The following PCNX4 variants were observed in gnomAD, a reference collection of about 807,000 sequenced individuals.
PCNX4 encodes the protein pecanex 4.
Under a neutral mutation model 107.2 loss-of-function variants are expected in PCNX4, and 103 were observed. That is an observed-to-expected ratio of 0.96 (90% CI 0.82 to 1.13). PCNX4 has a LOEUF of 1.13. Ranked by LOEUF, PCNX4 falls within the 50% of genes most tolerant of loss-of-function variation. PCNX4 has a pLI of 0.00. For missense variants in PCNX4, 1,528 were observed against 1,379.4 expected, an observed-to-expected ratio of 1.11 and a Z score of -1.71; for synonymous variants, 541 against 481.7, an observed-to-expected ratio of 1.12 and a Z score of -1.61.
chr14:60,115,881 A>G (rs1895838465), intron 5 of PCNX4, 60 bp from the exon 6 acceptor site: 2 of 1,588,756 alleles, frequency 1.3e-6, no homozygotes, highest in African/African-American at 1.3e-5. Context: ...AATTTTGTTT[A>G]ATAGTTTGCT....
intron 10 of PCNX4, among the ~76,000 whole-genome samples, chr14:60,133,266 A>G (rs1429297403): frequency 2.0e-5 from 3 of 152,228 alleles, no homozygotes; most frequent in South Asian, 2.1e-4. Context: ...ATAAAAAGGA[A>G]TACGGTACTG....
rs1481040947 is a variant in PCNX4 at position 60,124,573 on chromosome 14, T to G, written c.2402T>G (p.Leu801Trp). ...APLMLPALNT[L>W]PPPKSPEDID... Reference sequence around the variant, plus strand: ...CTAATGTTGCCTGCTTTGAACACTTTGCCACCTCCCAAATCCCCAGAAGAC... The same window carrying G: ...CTAATGTTGCCTGCTTTGAACACTTGGCCACCTCCCAAATCCCCAGAAGAC... The change falls in exon 9 of 11, where the codon TTG becomes TGG. Residue 801 changes from leucine to tryptophan, a missense_variant. Transcript: ENST00000406854. The G allele has an allele frequency of 6.2e-7, 1 of 1,613,724 alleles. No individual in the cohort carries two copies. The highest frequency in any genetic ancestry group is 2.2e-5 in the East Asian group (1 of 44,894).
In PCNX4 at chr14:60,125,711, T is replaced by C; in HGVS notation, c.3155T>C (p.Leu1052Pro). 6.2e-7 allele frequency: 1 copy of C among 1,609,366 alleles called. No individual in the cohort carries two copies. The highest frequency in any genetic ancestry group is 1.1e-5 in the South Asian group (1 of 90,314). ...GACTTTAGAGAACTGATTAAGTACC[T>C]TGAAGAATATGAACGTGACTGGTAC... is the stretch of plus-strand genomic sequence containing the variant. The part of the protein sequence containing the change: ...IEDFRELIKY[L>P]EEYERDWYIG... Residue 1052 changes from leucine (L) to proline (P), a missense_variant, in exon 10 of 11, where the codon CTT (leucine) becomes CCT (proline). Transcript: ENST00000406854.
Position 60,118,457 on chromosome 14 carries a change from C to CTTT in PCNX4, c.1707_1708insTTT (p.Asn569_Ile570insPhe). ...CAACTGCCACTTTATGTATACTCAA[C>CTTT]ATTGTCTTTTCTCCATTCGTGTTGG... is the stretch of plus-strand genomic sequence containing the variant. On this transcript the variant is annotated inframe_insertion, in exon 7 of 11. Transcript: ENST00000406854. 6.2e-7 allele frequency: 1 copy of CTTT among 1,613,746 alleles called. No homozygotes were observed. Among genetic ancestry groups the CTTT allele is most frequent in the Non-Finnish European group, 8.5e-7 (1 of 1,179,804 alleles).
chr14:60,107,832 G>T lies in PCNX4; in HGVS notation c.194G>T (p.Gly65Val). The change falls in exon 2 of 11, where the codon GGC becomes GTC. Residue 65 changes from glycine to valine, a missense_variant. Physicochemically the swap from Gly to Val is moderately radical, Grantham distance 109 (BLOSUM62 -3). Transcript: ENST00000406854. ...GTCGGAACACTTTTATACCAGTTAG[G>T]CATCCTGAAAGACTATTATACAGCA... The part of the protein sequence containing the change: ...GGVGTLLYQL[G>V]ILKDYYTAAL... 1 of 1,612,672 alleles carries T rather than the reference G, an allele frequency of 6.2e-7. No homozygotes were observed. Among genetic ancestry groups the T allele is most frequent in the Non-Finnish European group, 8.5e-7 (1 of 1,179,758 alleles).
intron 1 of PCNX4, among the ~76,000 whole-genome samples, chr14:60,106,002 C>A (rs1434158279): frequency 6.6e-6 from 1 of 152,204 alleles, no homozygotes; most frequent in African/African-American, 2.4e-5. Context: ...CCTTCCTTAC[C>A]CATTGGCTTC....
intron 1 of PCNX4, among the ~76,000 whole-genome samples, chr14:60,105,316 C>T (rs948871796): frequency 2.0e-5 from 3 of 152,134 alleles, no homozygotes; most frequent in Admixed American, 2.0e-4. Context: ...AGGACATCAT[C>T]CTAGGCAAAG....
chr14:60,135,586 T>A lies in PCNX4; in HGVS notation c.*1365T>A, dbSNP rs1896229239. 1.3e-5 allele frequency: 2 copies of A among 152,040 alleles called. 1 individual carries two copies. The highest frequency in any genetic ancestry group is 1.3e-4 in the Admixed American group (2 of 15,260). The allele number at this position is 152,040 out of a possible 1,614,324, so 9.4% of individuals were successfully genotyped here. Reference sequence around the variant, plus strand: ...TTTTTTTTCCGAGATGGAATCTCGCTCTGTCACCCAGGCTGGGGTGCAGTG... The same window carrying A: ...TTTTTTTTCCGAGATGGAATCTCGCACTGTCACCCAGGCTGGGGTGCAGTG... On this transcript the variant is annotated 3_prime_UTR_variant, in exon 11 of 11. Coordinates refer to ENST00000406854, the MANE Select transcript of PCNX4 (RefSeq NM_001330177.2).
In PCNX4 at chr14:60,114,852, G is replaced by T. The variant is rs574897278; in HGVS notation, c.842G>T (p.Gly281Val). 205 of 1,613,052 alleles carry T rather than the reference G, an allele frequency of 1.3e-4. 2 individuals carry two copies. The South Asian group carries it at 2.2e-3, about 17-fold the overall frequency. ...AMEQVLEFGL[G>V]GSSMSTHLRL... ...GAGCAGGTTTTAGAGTTCGGCCTTG[G>T]AGGCTCATCTATGTCAACCCACTTA... Residue 281 changes from glycine to valine, a missense_variant, in exon 3 of 11, where the codon GGA (glycine) becomes GTA (valine). Transcript: ENST00000406854.
In PCNX4 at chr14:60,124,676, A is replaced by G. The variant is rs1178092357; in HGVS notation, c.2505A>G (p.Lys835=). 6.2e-7 allele frequency: 1 copy of G among 1,613,450 alleles called. No individual in the cohort carries two copies. The highest frequency in any genetic ancestry group is 1.3e-5 in the African/African-American group (1 of 75,016). The change falls in exon 9 of 11, where the codon AAA becomes AAG. Residue 835 remains lysine, a synonymous_variant. Transcript: ENST00000406854. ...NIFDDEPTIK[K]VIEEKHQLKD... is the part of the protein sequence containing the mutation. ...TTGATGATGAGCCAACTATCAAAAA[A>G]GTAATAGAAGAAAAACATCAGTTGA... is the stretch of plus-strand genomic sequence containing the variant.
chr14:60,124,243 G>A lies in PCNX4; in HGVS notation c.2072G>A (p.Cys691Tyr), dbSNP rs774377791. The A allele has an allele frequency of 6.9e-6, 11 of 1,595,144 alleles. No homozygotes were observed. The South Asian group carries it at 1.1e-4, about 16-fold the overall frequency. ...IKGLELQETSCHTAEARRVDE... is the reference protein window; with the variant it reads ...IKGLELQETSYHTAEARRVDE... ...GGGTTAGAATTGCAGGAAACATCCT[G>A]TCATACTGCAGAAGCTCGCAGAGTT... The change falls in exon 9 of 11, where the codon TGT (cysteine) becomes TAT (tyrosine). Residue 691 changes from cysteine to tyrosine, a missense_variant. Cys to Tyr is a radical substitution (Grantham distance 194, BLOSUM62 -2). Coordinates refer to ENST00000406854, the MANE Select transcript of PCNX4 (RefSeq NM_001330177.2).
rs757394605 is a variant in PCNX4, at chr14:60,115,274, T to C, written c.1170T>C (p.Ile390=). ...TTTCTAAAAGCAATTCCCAGGCTAT[T>C]GTGGGCTATGGTTTGATGATATTAC... ...SQISKSNSQA[I]VGYGLMILLI... is the part of the protein sequence containing the mutation. Residue 390 remains isoleucine (I), a synonymous_variant, in exon 4 of 11, where the codon ATT becomes ATC. Coordinates refer to ENST00000406854, the MANE Select transcript of PCNX4 (RefSeq NM_001330177.2). 6.2e-7 allele frequency: 1 copy of C among 1,611,324 alleles called. No homozygotes were observed. The highest frequency in any genetic ancestry group is 8.5e-7 in the Non-Finnish European group (1 of 1,177,724).
chr14:60,134,294 T>C lies in PCNX4; in HGVS notation c.*73T>C. ...CATCCTAAAAAAGTAACTGTGATTC[T>C]TGTAACTTGAGGACTTCTCCACACC... On this transcript the variant is annotated 3_prime_UTR_variant, in exon 11 of 11. Transcript: ENST00000406854. 1 of 1,545,376 alleles carries C rather than the reference T, an allele frequency of 6.5e-7. No individual in the cohort carries two copies. Among genetic ancestry groups the C allele is most frequent in the Non-Finnish European group, 8.8e-7 (1 of 1,135,816 alleles).
intron 10 of PCNX4, among the ~76,000 whole-genome samples, chr14:60,129,876 G>T (rs914395729): frequency 6.6e-6 from 1 of 151,962 alleles, no homozygotes; most frequent in Admixed American, 6.6e-5. Context: ...AATTTAAATG[G>T]CATATTACAA....
intron 6 of PCNX4, 107 bp downstream of exon 6, chr14:60,116,167 T>G: frequency 9.2e-7 from 1 of 1,089,236 alleles, no homozygotes; most frequent in Non-Finnish European, 1.3e-6. Flanking sequence ...CAATCTAATT[T>G]TAGAACATTT....
At position 60,144,901 on chromosome 14, in the gene PCNX4, G is replaced by T. The variant is rs1195969270; in HGVS notation, c.*10680G>T. 2 of 1,309,396 alleles carry T rather than the reference G, an allele frequency of 1.5e-6. No individual in the cohort carries two copies. The highest frequency in any genetic ancestry group is 4.6e-5 in the East Asian group (2 of 43,080). The allele number at this position is 1,309,396 out of a possible 1,614,324, so 81.1% of individuals were successfully genotyped here. On this transcript the variant is annotated 3_prime_UTR_variant, in exon 11 of 11. Transcript: ENST00000406854. ...AGTCTTTGATTATTCAGAAGCATAA[G>T]AAGATTGCTGTTTTCATGTTTTCCA...
rs189113906 is a variant in PCNX4 at position 60,141,364 on chromosome 14, C to G, written c.*7143C>G. The G allele has an allele frequency of 3.5e-5, 5 of 142,358 alleles. No individual in the cohort carries two copies. In the East Asian group the frequency reaches 9.7e-4, roughly 28 times the overall value. The allele number at this position is 142,358 out of a possible 1,614,324, so 8.8% of individuals were successfully genotyped here. On this transcript the variant is annotated 3_prime_UTR_variant, in exon 11 of 11. Transcript: ENST00000406854. ...AAAAACTGGTTCTTCAAAAAACAAT[C>G]AAGAAAATCCATAAACCTGTAGAAA...
At position 60,124,833 on chromosome 14, in the gene PCNX4, A is replaced by C. The variant is rs764311142; in HGVS notation, c.2662A>C (p.Lys888Gln). 6.2e-7 allele frequency: 1 copy of C among 1,613,826 alleles called. No homozygotes were observed. Among genetic ancestry groups the C allele is most frequent in the East Asian group, 2.2e-5 (1 of 44,884 alleles). Residue 888 changes from lysine to glutamine, a missense_variant, in exon 9 of 11, where the codon AAA becomes CAA. By Grantham distance (53) the Lys-to-Gln change is moderately conservative. Coordinates refer to ENST00000406854, the MANE Select transcript of PCNX4 (RefSeq NM_001330177.2). ...AVLLGYPAVD[K>Q]GKQEDMPYIP... ...TCTATTAGGATACCCTGCTGTTGAC[A>C]AAGGAAAACAAGAGGACATGCCATA...
At chr14:60,092,970 GT>G (rs1173297294) in intron 1 of PCNX4, among the ~76,000 whole-genome samples, 1 of 152,134 alleles carries the variant, frequency 6.6e-6, no homozygotes, top group Non-Finnish European at 1.5e-5. Context: ...TTAGGTGTTT[GT>G]TTTCTTCATT....
Sources: allele counts gnomAD v4.1 joint callset (sites outside exome capture counted in the v4.1 genomes callset), GRCh38; gene constraint gnomAD v4.1.1; transcripts MANE v1.5; gene names NCBI Gene and HGNC (gene_info 2026-07-23, HGNC 2026-07-21).